Variants in TCF12 observed in about 807,000 individuals in gnomAD.
TCF12 encodes transcription factor 12.
TCF12 carries 45 observed loss-of-function variants against 86.0 expected under a neutral mutation model. The observed-to-expected ratio is 0.52, with a 90% confidence interval of 0.41 to 0.67. TCF12 has a LOEUF of 0.67. TCF12 is among the 30% of genes least tolerant of loss of function. TCF12 has a pLI of 0.00. For synonymous variants in TCF12, 330 were observed against 299.6 expected, an observed-to-expected ratio of 1.10 and a Z score of -1.05; for missense variants, 881 against 859.9, an observed-to-expected ratio of 1.02 and a Z score of -0.31.
At chr15:57,136,970 G>GTTTTTTTTTTTTTTTTTTT (rs1402740121) in intron 5 of TCF12, among the ~76,000 whole-genome samples, 1 of 40,830 alleles carries the variant, frequency 2.4e-5, no homozygotes, top group African/African-American at 8.5e-5. Context: ...TTTTTTTTTT[G>GTTTTTTTTTTTTTTTTTTT]TTTTTTTTTT....
chr15:57,264,195 C>CTTTTTTTTTTTTTTTTTTTCTTTTTTT (rs2060731417), intron 18 of TCF12, among the ~76,000 whole-genome samples: 1 of 50,698 alleles, frequency 2.0e-5, no homozygotes, highest in Non-Finnish European at 3.0e-5. Context: ...CTTTTGTAAG[C>CTTTTTTTTTTTTTTTTTTTCTTTTTTT]TTTTTTTTTT....
At chr15:57,052,829 G>A (rs1236649640) in intron 3 of TCF12, among the ~76,000 whole-genome samples, 3 of 152,274 alleles carry the variant, frequency 2.0e-5, no homozygotes, top group African/African-American at 7.2e-5. Flanking sequence ...ATGTTAGATA[G>A]TGCTCATGTA....
chr15:57,165,757 TG>T (rs1427261469), intron 5 of TCF12, among the ~76,000 whole-genome samples: 4 of 152,006 alleles, frequency 2.6e-5, no homozygotes, highest in Non-Finnish European at 4.4e-5. Flanking sequence ...AGGATTGTCT[TG>T]ATCTCCTTAC....
chr15:57,251,199 G>T, intron 13 of TCF12, 151 bp from the exon 14 acceptor site: 2 of 504,872 alleles, frequency 4.0e-6, no homozygotes, highest in East Asian at 3.3e-5. Flanking sequence ...AAAATGTGTT[G>T]GGCTTATAAG....
At chr15:57,004,687 G>T (rs2064244285) in intron 3 of TCF12, among the ~76,000 whole-genome samples, 1 of 152,194 alleles carries the variant, frequency 6.6e-6, no homozygotes, top group South Asian at 2.1e-4. Context: ...GGGATTACAG[G>T]TGTGAGCCAC....
chr15:56,961,880 C>T (rs1425170954), intron 3 of TCF12, among the ~76,000 whole-genome samples: 3 of 152,018 alleles, frequency 2.0e-5, no homozygotes, highest in African/African-American at 7.3e-5. Flanking sequence ...CGGTGGCTCA[C>T]GCTTGTAATC....
chr15:57,146,412 A>C (rs1375222394), intron 5 of TCF12, among the ~76,000 whole-genome samples: 2 of 152,214 alleles, frequency 1.3e-5, no homozygotes, highest in Admixed American at 6.5e-5. Context: ...TATTCATGTA[A>C]AAATCACTTA....
chr15:57,250,907 A>G (rs1338175163), intron 13 of TCF12, among the ~76,000 whole-genome samples: 1 of 151,744 alleles, frequency 6.6e-6, no homozygotes, highest in African/African-American at 2.4e-5. Flanking sequence ...AAAAAAAAAG[A>G]AAAAGAAGAA....
intron 3 of TCF12, among the ~76,000 whole-genome samples, chr15:56,984,137 T>TTTCAACCA (rs1250288515): frequency 6.6e-6 from 1 of 151,998 alleles, no homozygotes; most frequent in Non-Finnish European, 1.5e-5. Context: ...TTCACCTTTA[T>TTTCAACCA]GAACCATATA....
chr15:56,939,619 TTTGAGGTTAA>T (rs2060635176), intron 3 of TCF12, among the ~76,000 whole-genome samples: 1 of 152,180 alleles, frequency 6.6e-6, no homozygotes, highest in South Asian at 2.1e-4. Flanking sequence ...AGTACCATGC[TTTGAGGTTAA>T]TAAACACTTG....
At chr15:57,134,295 A>G (rs1417800195) in intron 5 of TCF12, 2 of 152,258 alleles carry the variant, frequency 1.3e-5, no homozygotes, top group Non-Finnish European at 2.9e-5. Flanking sequence ...GAAAAAATAA[A>G]TATGCAAATA....
rs1256300037 is a variant in TCF12, at chr15:56,919,815, C to T, written c.-22-77C>T. The T allele has an allele frequency of 6.0e-6, 8 of 1,336,284 alleles. No homozygotes were observed. In the East Asian group the frequency reaches 1.7e-4, roughly 28 times the overall value. 82.8% of individuals were successfully genotyped at this position (1,336,284 alleles called of 1,614,324 possible). The stretch of plus-strand genomic sequence containing the variant: ...GCCCCCAGCGCTCTTGCGTAATCTT[C>T]CCCAGTACCTCTCTCTGTTCCCTCA... On this transcript the variant is annotated intron_variant, in intron 1 of 20. Transcript: ENST00000333725.
chr15:57,090,215 T>C (rs2048904236), intron 4 of TCF12, among the ~76,000 whole-genome samples: 1 of 151,800 alleles, frequency 6.6e-6, no homozygotes, highest in Non-Finnish European at 1.5e-5. Flanking sequence ...GGGCCCTGTC[T>C]CCAAAACAAA....
At chr15:57,117,928 A>AG (rs142759762) in intron 5 of TCF12, among the ~76,000 whole-genome samples, 8,386 of 151,862 alleles carry the variant, frequency 0.055, 682 homozygotes, top group African/African-American at 0.18. Flanking sequence ...TAGAAATATA[A>AG]GGGGGGGGAA....
intron 5 of TCF12, among the ~76,000 whole-genome samples, chr15:57,095,428 A>G (rs1381418038): frequency 6.6e-6 from 1 of 152,206 alleles, no homozygotes; most frequent in African/African-American, 2.4e-5. Flanking sequence ...CTTAGAAACA[A>G]ATTATTCTCA....
chr15:57,235,130 G>A (rs1206718205), intron 12 of TCF12, among the ~76,000 whole-genome samples: 1 of 152,114 alleles, frequency 6.6e-6, no homozygotes. Context: ...TAGAGATGGA[G>A]CACACACAAA....
chr15:57,065,268 C>G (rs1443658812), intron 4 of TCF12, among the ~76,000 whole-genome samples: 2 of 152,182 alleles, frequency 1.3e-5, no homozygotes, highest in Admixed American at 1.3e-4. Context: ...TTACTATCAA[C>G]TGTATTGTGA....
At chr15:57,189,881 C>G (rs2056890162) in intron 6 of TCF12, among the ~76,000 whole-genome samples, 1 of 152,114 alleles carries the variant, frequency 6.6e-6, no homozygotes, top group African/African-American at 2.4e-5. Flanking sequence ...TATAGCCATA[C>G]TAAATGGAAT....
At chr15:57,082,629 A>G (rs535167145) in intron 4 of TCF12, among the ~76,000 whole-genome samples, 30 of 152,348 alleles carry the variant, frequency 2.0e-4, no homozygotes, top group African/African-American at 6.7e-4. Flanking sequence ...CACAAATTAC[A>G]TACAACTTAC....
Sources: allele counts gnomAD v4.1 joint callset (sites outside exome capture counted in the v4.1 genomes callset), GRCh38; gene constraint gnomAD v4.1.1; transcripts MANE v1.5; gene names NCBI Gene and HGNC (gene_info 2026-07-23, HGNC 2026-07-21).